The following LEMD1 variants were observed in gnomAD, a reference collection of about 807,000 sequenced individuals.
The protein encoded by LEMD1 is LEM domain-containing protein 1.
LEMD1 carries 18 observed loss-of-function variants against 17.4 expected under a neutral mutation model. The observed-to-expected ratio is 1.04, with a 90% CI of 0.72 to 1.54. The LOEUF (loss-of-function observed/expected upper bound fraction) is 1.54. Ranked by LOEUF, LEMD1 falls within the 40% of genes most tolerant of loss-of-function variation. LEMD1 has a pLI of 0.00. For synonymous variants in LEMD1, 88 were observed against 77.8 expected (o/e 1.13, Z -0.69); for missense variants, 195 against 210.4 (o/e 0.93, Z 0.45).
At chr1:205,399,718 T>A (rs956586952) in intron 4 of LEMD1, among the ~76,000 whole-genome samples, 1 of 152,218 alleles carries the variant, frequency 6.6e-6, no homozygotes, top group Non-Finnish European at 1.5e-5. Flanking sequence ...TCTGGGAGGA[T>A]TTGAGTATGA....
At chr1:205,423,519 C>T (rs1464804399), upstream of LEMD1, among the ~76,000 whole-genome samples, 2 of 152,192 alleles carry the variant, frequency 1.3e-5, no homozygotes, top group Non-Finnish European at 2.9e-5. Flanking sequence ...GGTTAAATCT[C>T]TGGGGTTTAA....
chr1:205,402,144 T>C (rs11240468), intron 4 of LEMD1, among the ~76,000 whole-genome samples: 93,632 of 151,890 alleles, frequency 0.62, 29,773 homozygotes, highest in African/African-American at 0.78. Flanking sequence ...CGTGATGCCT[T>C]CAGCTTTGTT....
rs563824736 is a variant in LEMD1 at position 205,420,465 on chromosome 1, G to A, written c.72C>T (p.Gly24=). 3 of 1,612,814 alleles carry A rather than the reference G, an allele frequency of 1.9e-6. No homozygotes were observed. Among genetic ancestry groups the A allele is most frequent in the South Asian group, 2.2e-5 (2 of 91,058 alleles). The part of the protein sequence containing the change: ...NQLEKLGFSP[G]PILPSTRKLY... ...GCATACTGTACATACGTAGTATTGG[G>A]CCAGGTGAAAATCCAAGCTTCTCAA... is the stretch of plus-strand genomic sequence containing the variant. Residue 24 remains glycine, a synonymous_variant, in exon 2 of 6, where the codon GGC becomes GGT. Transcript: ENST00000367153.
Position 205,420,450 on chromosome 1 carries a change from C to T in LEMD1, c.82+5G>A. The T allele has an allele frequency of 6.2e-7, 1 of 1,608,482 alleles. No individual in the cohort carries two copies. Among genetic ancestry groups the T allele is most frequent in the Non-Finnish European group, 8.5e-7 (1 of 1,175,028 alleles). ...TCTGTAATATTTGCTGCATACTGTA[C>T]ATACGTAGTATTGGGCCAGGTGAAA... On this transcript the variant is annotated splice_donor_5th_base_variant and intron_variant, in intron 2 of 5. Coordinates refer to ENST00000367153, the MANE Select transcript of LEMD1 (RefSeq NM_001199050.2).
intron 4 of LEMD1, among the ~76,000 whole-genome samples, chr1:205,410,997 A>C (rs754597744): frequency 4.0e-5 from 6 of 150,388 alleles, no homozygotes; most frequent in Admixed American, 2.0e-4. Context: ...AAGGAAAGAA[A>C]AGAAAAGGAG....
At chr1:205,429,174 C>G (rs1242434320) in intron 1 of LEMD1, among the ~76,000 whole-genome samples, 1 of 152,218 alleles carries the variant, frequency 6.6e-6, no homozygotes, top group African/African-American at 2.4e-5. Context: ...TCTCCAATGA[C>G]CTAGAGAGTA....
At chr1:205,397,929 AT>A (rs1664666566) in intron 4 of LEMD1, among the ~76,000 whole-genome samples, 1 of 152,218 alleles carries the variant, frequency 6.6e-6, no homozygotes, top group Non-Finnish European at 1.5e-5. Flanking sequence ...CCTTATTATC[AT>A]CTTGGAATCA....
chr1:205,438,244 C>T (rs1440058030), intron 1 of LEMD1, among the ~76,000 whole-genome samples: 2 of 152,198 alleles, frequency 1.3e-5, no homozygotes, highest in South Asian at 2.1e-4. Context: ...ATCAGTGCCA[C>T]GCAGCAAGAA....
chr1:205,445,856 G>T (rs1254438686), intron 1 of LEMD1, among the ~76,000 whole-genome samples: 5 of 152,200 alleles, frequency 3.3e-5, no homozygotes, highest in African/African-American at 1.2e-4. Context: ...GAAAGATGGG[G>T]AGAGAGACTT....
intron 1 of LEMD1, among the ~76,000 whole-genome samples, chr1:205,431,701 C>T (rs910282362): frequency 2.0e-5 from 3 of 151,990 alleles, no homozygotes; most frequent in Admixed American, 1.3e-4. Context: ...GAGAACAACA[C>T]GGAAGCTTTT....
In LEMD1 at chr1:205,420,466, C is replaced by T. The variant is rs566668647; in HGVS notation, c.71G>A (p.Gly24Asp). The T allele has an allele frequency of 3.7e-6, 6 of 1,613,174 alleles. No homozygotes were observed. In the Admixed American group the frequency reaches 8.3e-5, roughly 22 times the overall value. ...CATACTGTACATACGTAGTATTGGG[C>T]CAGGTGAAAATCCAAGCTTCTCAAG... The part of the protein sequence containing the change: ...NQLEKLGFSP[G>D]PILPSTRKLY... Residue 24 changes from glycine (G) to aspartate (D), a missense_variant, in exon 2 of 6, where the codon GGC becomes GAC. Coordinates refer to ENST00000367153, the MANE Select transcript of LEMD1 (RefSeq NM_001199050.2).
At chr1:205,413,402 C>T (rs967819037) in intron 4 of LEMD1, among the ~76,000 whole-genome samples, 1 of 151,994 alleles carries the variant, frequency 6.6e-6, no homozygotes, top group Admixed American at 6.6e-5. Flanking sequence ...GATTCTCCTA[C>T]CTCAGCCTCC....
chr1:205,438,358 A>C (rs1352027297), intron 1 of LEMD1, among the ~76,000 whole-genome samples: 1 of 152,242 alleles, frequency 6.6e-6, no homozygotes, highest in Non-Finnish European at 1.5e-5. Context: ...GGAGAGAACC[A>C]TGGAGAGAGG....
At chr1:205,409,409 G>C (rs1665280102) in intron 4 of LEMD1, among the ~76,000 whole-genome samples, 1 of 151,956 alleles carries the variant, frequency 6.6e-6, no homozygotes, top group Admixed American at 6.6e-5. Flanking sequence ...GCTCTTATTT[G>C]TACTTGCCTC....
At chr1:205,408,632 G>A (rs1353613943) in intron 4 of LEMD1, among the ~76,000 whole-genome samples, 1 of 151,180 alleles carries the variant, frequency 6.6e-6, no homozygotes, top group Non-Finnish European at 1.5e-5. Flanking sequence ...CAAGTAGCTG[G>A]GACCACAGGT....
upstream of LEMD1, among the ~76,000 whole-genome samples, chr1:205,422,858 C>T (rs1372226737): frequency 6.6e-6 from 1 of 152,148 alleles, no homozygotes; most frequent in African/African-American, 2.4e-5. Context: ...TGCCATTTAC[C>T]AGCTGGGTGA....
At chr1:205,384,959 T>C (rs1030933799) in intron 4 of LEMD1, among the ~76,000 whole-genome samples, 1 of 151,452 alleles carries the variant, frequency 6.6e-6, no homozygotes, top group Non-Finnish European at 1.5e-5. Flanking sequence ...ACTCCACCCC[T>C]ATCTAGTAAG....
At chr1:205,431,060 G>C (rs373610654) in intron 1 of LEMD1, among the ~76,000 whole-genome samples, 3 of 152,146 alleles carry the variant, frequency 2.0e-5, no homozygotes, top group East Asian at 3.9e-4. Context: ...AGCGAGCTTG[G>C]GGGTGGGGCG....
At chr1:205,424,918 A>T (rs762690835), upstream of LEMD1, among the ~76,000 whole-genome samples, 1 of 151,986 alleles carries the variant, frequency 6.6e-6, no homozygotes, top group Non-Finnish European at 1.5e-5. Flanking sequence ...AGGCTACAAG[A>T]CTCCTTGGAG....
Sources: gnomAD v4.1 joint callset for allele counts (sites outside exome capture counted in the v4.1 genomes callset) on GRCh38, gnomAD v4.1.1 for gene constraint, MANE v1.5 for transcripts, NCBI Gene and HGNC (gene_info 2026-07-23, HGNC 2026-07-21) for gene names.